EML1: variants seen among roughly 807,000 people sequenced by gnomAD.
The protein encoded by EML1 is echinoderm microtubule-associated protein-like 1.
Under a neutral mutation model 110.4 loss-of-function variants are expected in EML1, and 27 were observed. That is an observed-to-expected ratio of 0.24 (90% CI 0.18 to 0.34). EML1 has a LOEUF of 0.34. EML1 is among the 10% of genes least tolerant of loss of function. The pLI is 1.00. For synonymous variants in EML1, 344 were observed against 385.8 expected (o/e 0.89, Z 1.27); for missense variants, 741 against 1,030.9 (o/e 0.72, Z 3.85).
chr14:99,917,723 G>A, intron 15 of EML1, 59 bp from the exon 16 acceptor site: 6 of 1,567,080 alleles, frequency 3.8e-6, no homozygotes, highest in Non-Finnish European at 4.4e-6. Context: ...ACGTGTGTGT[G>A]TTTTATGCTA....
chr14:99,779,642 C>T (rs1595270340), intron 1 of EML1, among the ~76,000 whole-genome samples: 2 of 152,308 alleles, frequency 1.3e-5, no homozygotes, highest in South Asian at 4.1e-4. Flanking sequence ...AAGACTTCGT[C>T]ATATTCCCTA....
chr14:99,753,330 T>C (rs1435432948), intron 1 of EML1, among the ~76,000 whole-genome samples: 1 of 151,322 alleles, frequency 6.6e-6, no homozygotes, highest in Admixed American at 6.6e-5. Flanking sequence ...TGCAATTAAG[T>C]CCGAACCTCC....
upstream of EML1, among the ~76,000 whole-genome samples, chr14:99,793,110 G>A (rs1381538433): frequency 6.6e-6 from 1 of 150,566 alleles, no homozygotes; most frequent in East Asian, 1.9e-4. Context: ...CGCGGAGGCG[G>A]GGCCTGGCCA....
chr14:99,914,167 T>G lies in EML1; in HGVS notation c.1495-12T>G, dbSNP rs774195148. On this transcript the variant is annotated splice_polypyrimidine_tract_variant and intron_variant, in intron 13 of 21. Transcript: ENST00000262233. ...TGTACATCTTTTCTTTTCATATGACTTTTCAATGCAGATTCCAGAACAGTT... is the reference window on the plus strand; with the variant it reads ...TGTACATCTTTTCTTTTCATATGACGTTTCAATGCAGATTCCAGAACAGTT... The G allele has an allele frequency of 1.3e-6, 2 of 1,593,004 alleles. No homozygotes were observed. Among genetic ancestry groups the G allele is most frequent in the Non-Finnish European group, 1.7e-6 (2 of 1,164,302 alleles).
At chr14:99,887,284 T>A (rs140258986) in intron 4 of EML1, among the ~76,000 whole-genome samples, 1 of 152,336 alleles carries the variant, frequency 6.6e-6, no homozygotes, top group South Asian at 2.1e-4. Flanking sequence ...CTCCTTCTTA[T>A]AAGCAATAAG....
At chr14:99,790,800 C>T (rs913126965), upstream of EML1, among the ~76,000 whole-genome samples, 6 of 152,036 alleles carry the variant, frequency 3.9e-5, no homozygotes, top group African/African-American at 1.4e-4. Context: ...CTTTACCTGG[C>T]CCTCTGCCAA....
chr14:99,881,103 G>T (rs2059377895), intron 4 of EML1, among the ~76,000 whole-genome samples: 2 of 152,218 alleles, frequency 1.3e-5, no homozygotes, highest in Admixed American at 6.5e-5. Flanking sequence ...CATCGGGCGG[G>T]AGCTGGTCTG....
At chr14:99,743,786 C>T (rs766826842) in intron 1 of EML1, among the ~76,000 whole-genome samples, 3 of 152,166 alleles carry the variant, frequency 2.0e-5, no homozygotes, top group Non-Finnish European at 4.4e-5. Flanking sequence ...AAAGGCAACT[C>T]GGAAAGGAAA....
At chr14:99,826,455 T>C (rs2058360374) in intron 1 of EML1, among the ~76,000 whole-genome samples, 1 of 152,172 alleles carries the variant, frequency 6.6e-6, no homozygotes, top group Admixed American at 6.5e-5. Flanking sequence ...GACTAAATTA[T>C]GTGGATGCAC....
intron 1 of EML1, among the ~76,000 whole-genome samples, chr14:99,824,878 TTTTCTG>T (rs1207662423): frequency 1.3e-5 from 2 of 152,196 alleles, no homozygotes; most frequent in Non-Finnish European, 2.9e-5. Context: ...CAGTATAGAA[TTTTCTG>T]TTTCTGAGTT....
chr14:99,909,868 G>A (rs903370943), intron 11 of EML1, among the ~76,000 whole-genome samples: 1 of 152,150 alleles, frequency 6.6e-6, no homozygotes. Flanking sequence ...GGGTCCATCT[G>A]CCACCACCTC....
intron 1 of EML1, among the ~76,000 whole-genome samples, chr14:99,815,514 A>G (rs144113492): frequency 6.6e-6 from 1 of 152,306 alleles, no homozygotes; most frequent in East Asian, 1.9e-4. Context: ...CATGACTAAC[A>G]TTGATTTATT....
intron 10 of EML1, among the ~76,000 whole-genome samples, chr14:99,908,477 C>G (rs961306872): frequency 6.6e-6 from 1 of 152,210 alleles, no homozygotes; most frequent in Non-Finnish European, 1.5e-5. Flanking sequence ...GTATTCTAAC[C>G]AGGTCTGTTC....
intron 17 of EML1, among the ~76,000 whole-genome samples, chr14:99,926,694 C>T (rs2060240349): frequency 6.6e-6 from 1 of 152,016 alleles, no homozygotes. Context: ...ACACTACAGC[C>T]TCAGCCCCTT....
chr14:99,893,763 A>T (rs978478974), intron 5 of EML1, among the ~76,000 whole-genome samples: 1 of 152,176 alleles, frequency 6.6e-6, no homozygotes, highest in African/African-American at 2.4e-5. Flanking sequence ...TTTGATCTGC[A>T]GTGAAATTTC....
At chr14:99,745,791 A>C (rs2057101101) in intron 1 of EML1, among the ~76,000 whole-genome samples, 1 of 152,228 alleles carries the variant, frequency 6.6e-6, no homozygotes, top group African/African-American at 2.4e-5. Flanking sequence ...CTGGAGCAGA[A>C]AACATCCTTC....
intron 1 of EML1, among the ~76,000 whole-genome samples, chr14:99,815,139 C>CTT (rs57894783): frequency 4.3e-4 from 41 of 96,352 alleles, no homozygotes; most frequent in South Asian, 6.7e-4. Context: ...TGAGGCTTGG[C>CTT]TTTTTTTTTT....
At chr14:99,876,206 G>C (rs1042177161) in intron 3 of EML1, among the ~76,000 whole-genome samples, 1 of 152,112 alleles carries the variant, frequency 6.6e-6, no homozygotes, top group African/African-American at 2.4e-5. Context: ...GCCAGCCCCA[G>C]GCAGGAGCTG....
At chr14:99,786,801 G>A (rs2057605483) in intron 1 of EML1, among the ~76,000 whole-genome samples, 1 of 152,204 alleles carries the variant, frequency 6.6e-6, no homozygotes, top group Non-Finnish European at 1.5e-5. Flanking sequence ...AGCAGAGAAT[G>A]AAAGGACATC....
Sources: gnomAD v4.1 joint callset for allele counts (sites outside exome capture counted in the v4.1 genomes callset) on GRCh38, gnomAD v4.1.1 for gene constraint, MANE v1.5 for transcripts, NCBI Gene and HGNC (gene_info 2026-07-23, HGNC 2026-07-21) for gene names.